SYTL5: variants seen among roughly 807,000 people sequenced by gnomAD.
The protein encoded by SYTL5 is synaptotagmin like 5.
Under a neutral mutation model 55.9 loss-of-function variants are expected in SYTL5, and 34 were observed. That is an observed-to-expected ratio of 0.61 (90% confidence interval 0.46 to 0.81). The LOEUF is 0.81. Among genes scored for constraint, SYTL5 ranks in the 30% least tolerant of loss-of-function variants. SYTL5 has a pLI of 0.00. For missense variants in SYTL5, 637 were observed against 546.7 expected, an observed-to-expected ratio of 1.17 and a Z score of -1.65; for synonymous variants, 221 against 188.7, an observed-to-expected ratio of 1.17 and a Z score of -1.40.
chrX:38,122,135 A>T lies in SYTL5; in HGVS notation c.1761A>T (p.Gly587=), dbSNP rs1340119457. 2 of 1,204,464 alleles carry T rather than the reference A, an allele frequency of 1.7e-6. No homozygotes were observed. The highest frequency in any genetic ancestry group is 3.6e-5 in the South Asian group (2 of 55,834). ...KKKESPVISG[G]ILEVFIKEAK... is the part of the protein sequence containing the mutation. ...AGGAGTCACCTGTAATCTCTGGAGG[A>T]ATACTAGAAGTGTTCATCAAAGAGG... Residue 587 remains glycine, a synonymous_variant, in exon 15 of 17, where the codon GGA becomes GGT. Coordinates refer to ENST00000297875, the MANE Select transcript of SYTL5 (RefSeq NM_138780.3).
rs1272106968 is a variant in SYTL5, at chrX:38,076,687, T to A, written c.675T>A (p.Pro225=). The A allele has an allele frequency of 2.5e-6, 3 of 1,208,809 alleles. No individual in the cohort carries two copies. The highest frequency in any genetic ancestry group is 3.4e-6 in the Non-Finnish European group (3 of 894,727). The change falls in exon 6 of 17, where the codon CCT becomes CCA. Residue 225 remains proline, a synonymous_variant. Transcript: ENST00000297875. Reference sequence around the variant, plus strand: ...AACATTTTCGGAGTTTAAAATCACCTCCTGGTTCAGACAGGTAAGAGTCAT... The same window carrying A: ...AACATTTTCGGAGTTTAAAATCACCACCTGGTTCAGACAGGTAAGAGTCAT... ...DGQHFRSLKS[P]PGSDRGSTGS... is the part of the protein sequence containing the mutation.
chrX:37,984,819 A>G, the SYTL5 span, among the ~76,000 whole-genome samples: 20 of 112,123 alleles, frequency 1.8e-4, no homozygotes, highest in African/African-American at 6.1e-4. Context: ...AGCAAGGCCA[A>G]GTTGGTTTAA....
rs375981345 is a variant in SYTL5 at position 38,102,397 on chromosome X, C to G, written c.1118C>G (p.Ser373Cys). The change falls in exon 10 of 17, where the codon TCT (serine) becomes TGT (cysteine). Residue 373 changes from serine to cysteine, a missense_variant. By Grantham distance (112) the Ser-to-Cys change is moderately radical. Coordinates refer to ENST00000297875, the MANE Select transcript of SYTL5 (RefSeq NM_138780.3). ...GATGCCTTAGTGTCCTCGCAGTTAT[C>G]TACAAACACTCACCGTCTGGCAAGT... Reference protein sequence around the residue: ...SIDALVSSQLSTNTHRLASGL... With the variant: ...SIDALVSSQLCTNTHRLASGL... 1.3e-5 allele frequency: 16 copies of G among 1,206,659 alleles called. No homozygotes were observed. The highest frequency in any genetic ancestry group is 1.8e-5 in the African/African-American group (1 of 57,096).
the SYTL5 span, among the ~76,000 whole-genome samples, chrX:37,905,089 A>G: frequency 2.7e-5 from 3 of 110,546 alleles, no homozygotes; most frequent in African/African-American, 9.9e-5. Flanking sequence ...AAGTCCTGGC[A>G]CCCCAGGACA....
At chrX:38,045,179 G>T (rs1935422571) in intron 2 of SYTL5, among the ~76,000 whole-genome samples, 1 of 111,923 alleles carries the variant, frequency 8.9e-6, no homozygotes, top group South Asian at 3.7e-4. Flanking sequence ...TTTGGCAGAG[G>T]TCACCATCAT....
At chrX:38,082,244 T>G (rs1321651827) in intron 6 of SYTL5, among the ~76,000 whole-genome samples, 1 of 111,839 alleles carries the variant, frequency 8.9e-6, no homozygotes, top group Non-Finnish European at 1.9e-5. Flanking sequence ...TTCACTGTCT[T>G]GGCATGCTCT....
chrX:38,087,189 C>T (rs757631234), intron 6 of SYTL5, among the ~76,000 whole-genome samples: 20 of 111,287 alleles, frequency 1.8e-4, no homozygotes, highest in African/African-American at 6.2e-4. Flanking sequence ...TGACCCCTGC[C>T]CTTTCTTTTT....
At chrX:37,998,171 C>G in the SYTL5 span, among the ~76,000 whole-genome samples, 1 of 112,622 alleles carries the variant, frequency 8.9e-6, no homozygotes, top group African/African-American at 3.2e-5. Context: ...CTTTCTCACC[C>G]TCCACTTGTT....
chrX:37,903,757 C>A, the SYTL5 span, among the ~76,000 whole-genome samples: 7 of 111,204 alleles, frequency 6.3e-5, no homozygotes, highest in African/African-American at 2.3e-4. Context: ...GTATATATTT[C>A]TCCCTTCTTG....
upstream of SYTL5, among the ~76,000 whole-genome samples, chrX:38,001,665 T>A (rs1322495532): frequency 1.8e-5 from 2 of 111,740 alleles, no homozygotes. Context: ...TGCTCCATTG[T>A]GTATATGTAC....
chrX:38,000,691 C>T, the SYTL5 span, among the ~76,000 whole-genome samples: 2 of 112,176 alleles, frequency 1.8e-5, no homozygotes, highest in Admixed American at 1.9e-4. Flanking sequence ...GGGTTTCTTG[C>T]CTTGGTGTAC....
chrX:37,937,907 T>A, the SYTL5 span, among the ~76,000 whole-genome samples: 1 of 112,546 alleles, frequency 8.9e-6, no homozygotes, highest in South Asian at 3.7e-4. Flanking sequence ...TAATGATTGT[T>A]GCATATGTGA....
chrX:38,003,110 T>C (rs1333430216), upstream of SYTL5, among the ~76,000 whole-genome samples: 9 of 112,061 alleles, frequency 8.0e-5, no homozygotes, highest in Non-Finnish European at 1.5e-4. Flanking sequence ...CCCAGCACCA[T>C]TTATCAAATA....
At chrX:38,073,319 A>G (rs1053241064) in intron 4 of SYTL5, among the ~76,000 whole-genome samples, 7 of 111,733 alleles carry the variant, frequency 6.3e-5, no homozygotes, top group African/African-American at 2.3e-4. Context: ...TAAAAATATC[A>G]ACAGAAGGCT....
At chrX:38,052,516 G>C (rs1003752) in intron 2 of SYTL5, among the ~76,000 whole-genome samples, 39,010 of 110,920 alleles carry the variant, frequency 0.35, 7,239 homozygotes, top group African/African-American at 0.72. Context: ...ATCAGGCTGA[G>C]AAATAAATGA....
rs763798381 is a variant in SYTL5 at position 38,062,958 on chromosome X, C to T, written c.329+8536C>T. 1.2e-4 allele frequency among the ~76,000 whole-genome samples: 13 copies of T among 111,513 alleles called. No individual in the cohort carries two copies. The South Asian group carries it at 2.7e-3, about 23-fold the overall frequency. ...TAGAATTGTCCCCATTCTCTGACAT[C>T]GCTTAATCCAGAGAAAATCCCTGCT... On this transcript the variant is annotated intron_variant, in intron 3 of 16. Coordinates refer to ENST00000297875, the MANE Select transcript of SYTL5 (RefSeq NM_138780.3).
chrX:38,024,764 G>A (rs763009391), intron 1 of SYTL5, among the ~76,000 whole-genome samples: 3 of 111,480 alleles, frequency 2.7e-5, no homozygotes, highest in Non-Finnish European at 3.8e-5. Flanking sequence ...AGCATTCTGA[G>A]GATACTGCTC....
At chrX:37,954,410 A>G in the SYTL5 span, among the ~76,000 whole-genome samples, 1 of 111,709 alleles carries the variant, frequency 9.0e-6, no homozygotes, top group African/African-American at 3.2e-5. Context: ...AAATTGATCT[A>G]GGGTTGGTGC....
the SYTL5 span, among the ~76,000 whole-genome samples, chrX:37,898,421 C>T: frequency 8.9e-6 from 1 of 112,127 alleles, no homozygotes; most frequent in Non-Finnish European, 1.9e-5. Flanking sequence ...TGACTTGCTT[C>T]TTGTCCTTGT....
Sources: gnomAD v4.1 joint callset for allele counts (sites outside exome capture counted in the v4.1 genomes callset) on GRCh38, gnomAD v4.1.1 for gene constraint, MANE v1.5 for transcripts, NCBI Gene and HGNC (gene_info 2026-07-23, HGNC 2026-07-21) for gene names.